Variants in ROR2 observed in about 807,000 individuals in gnomAD.
ROR2 encodes ROR family WNT receptor 2, also known as tyrosine-protein kinase transmembrane receptor ROR2.
ROR2 carries 33 observed loss-of-function variants against 74.9 expected under a neutral mutation model. The observed-to-expected ratio is 0.44, with a 90% CI of 0.33 to 0.59. The LOEUF is 0.59. Among genes scored for constraint, ROR2 ranks in the 20% least tolerant of loss-of-function variants. ROR2 has a pLI of 0.02. For missense variants in ROR2, 1,216 were observed against 1,313.8 expected, an observed-to-expected ratio of 0.93 and a Z score of 1.15; for synonymous variants, 586 against 558.7, an observed-to-expected ratio of 1.05 and a Z score of -0.69.
chr9:91,948,657 A>G (rs1832076063), intron 1 of ROR2: 2 of 985,528 alleles, frequency 2.0e-6, no homozygotes, highest in South Asian at 4.7e-5. Context: ...CGCAGCTCCC[A>G]GCAGGACGCA....
chr9:91,936,712 A>AT (rs1831700068), intron 1 of ROR2, among the ~76,000 whole-genome samples: 1 of 152,168 alleles, frequency 6.6e-6, no homozygotes. Flanking sequence ...CTCTAATCTT[A>AT]TTTCCACCTC....
At chr9:91,726,048 C>G (rs561504156) in intron 8 of ROR2, among the ~76,000 whole-genome samples, 1 of 152,288 alleles carries the variant, frequency 6.6e-6, no homozygotes, top group Admixed American at 6.5e-5. Context: ...ATTTCAGTGC[C>G]CCACCCCCAT....
At chr9:91,842,159 G>A (rs142239130) in intron 1 of ROR2, among the ~76,000 whole-genome samples, 266 of 152,310 alleles carry the variant, frequency 1.7e-3, no homozygotes, top group Middle Eastern at 6.8e-3. Context: ...GAGAGAAAAA[G>A]CATAAAGAGG....
At chr9:91,916,362 C>A (rs1831134903) in intron 1 of ROR2, among the ~76,000 whole-genome samples, 2 of 152,126 alleles carry the variant, frequency 1.3e-5, no homozygotes, top group Admixed American at 6.5e-5. Context: ...TTGGTTAATT[C>A]TTTAATCTCG....
chr9:91,891,132 T>TTC (rs1202447896), intron 1 of ROR2, among the ~76,000 whole-genome samples: 2 of 152,248 alleles, frequency 1.3e-5, no homozygotes, highest in East Asian at 3.8e-4. Context: ...TTAGCAGCTT[T>TTC]TCTAAACACC....
chr9:91,786,435 T>C (rs1826807128), intron 1 of ROR2, among the ~76,000 whole-genome samples: 1 of 152,136 alleles, frequency 6.6e-6, no homozygotes, highest in Admixed American at 6.5e-5. Context: ...ATATCTAGGA[T>C]GAACTTGCTC....
At chr9:91,780,909 T>C (rs564513670) in intron 1 of ROR2, among the ~76,000 whole-genome samples, 92 of 152,386 alleles carry the variant, frequency 6.0e-4, no homozygotes, top group African/African-American at 2.0e-3. Flanking sequence ...TAAGCAAGCA[T>C]TTATTAATGA....
chr9:91,802,966 A>G (rs1827439838), intron 1 of ROR2, among the ~76,000 whole-genome samples: 1 of 152,186 alleles, frequency 6.6e-6, no homozygotes, highest in Non-Finnish European at 1.5e-5. Flanking sequence ...GCCGTTAAGG[A>G]AACGCAAATC....
intron 2 of ROR2, among the ~76,000 whole-genome samples, chr9:91,769,764 C>G (rs1826171049): frequency 1.3e-5 from 2 of 152,206 alleles, no homozygotes; most frequent in African/African-American, 4.8e-5. Flanking sequence ...GCCCCGCCTC[C>G]CTCCAGTACC....
chr9:91,755,745 C>T (rs1825728611), intron 4 of ROR2, among the ~76,000 whole-genome samples: 1 of 152,244 alleles, frequency 6.6e-6, no homozygotes, highest in African/African-American at 2.4e-5. Context: ...CCCTGTTTCC[C>T]AATGTCCTAA....
chr9:91,822,582 G>C (rs1828168770), intron 1 of ROR2, among the ~76,000 whole-genome samples: 1 of 152,156 alleles, frequency 6.6e-6, no homozygotes, highest in Non-Finnish European at 1.5e-5. Flanking sequence ...TTAGAAAATT[G>C]TCATTTTGCA....
chr9:91,834,320 C>T (rs1828553069), intron 1 of ROR2, among the ~76,000 whole-genome samples: 1 of 152,190 alleles, frequency 6.6e-6, no homozygotes, highest in Admixed American at 6.5e-5. Context: ...GACCACGTCC[C>T]CGCGTGCAAA....
chr9:91,841,538 T>C (rs961660427), intron 1 of ROR2, among the ~76,000 whole-genome samples: 4 of 152,258 alleles, frequency 2.6e-5, no homozygotes, highest in Admixed American at 1.3e-4. Flanking sequence ...TTTAAGGTGA[T>C]AATGTTTTAA....
intron 1 of ROR2, among the ~76,000 whole-genome samples, chr9:91,835,895 T>C (rs1230443408): frequency 6.6e-6 from 1 of 152,202 alleles, no homozygotes; most frequent in Non-Finnish European, 1.5e-5. Flanking sequence ...TTCACTTCTA[T>C]AGTAATTGCT....
At chr9:91,830,808 CCGTG>C (rs769454390) in intron 1 of ROR2, among the ~76,000 whole-genome samples, 14 of 88,032 alleles carry the variant, frequency 1.6e-4, no homozygotes, top group Middle Eastern at 6.4e-3. Flanking sequence ...ATAACTGTGT[CCGTG>C]TGTGTGTGTG....
At chr9:91,736,541 CA>C (rs1825030840) in intron 5 of ROR2, among the ~76,000 whole-genome samples, 1 of 152,240 alleles carries the variant, frequency 6.6e-6, no homozygotes, top group Non-Finnish European at 1.5e-5. Flanking sequence ...GGTGCTGGGG[CA>C]CCGGCCATCT....
At chr9:91,798,386 GCT>G in intron 1 of ROR2, among the ~76,000 whole-genome samples, 1 of 119,820 alleles carries the variant, frequency 8.3e-6, no homozygotes, top group African/African-American at 3.5e-5. Context: ...GACACCCTGG[GCT>G]AGTGGGCGGG....
At chr9:91,841,272 G>A (rs528543646) in intron 1 of ROR2, among the ~76,000 whole-genome samples, 12 of 152,180 alleles carry the variant, frequency 7.9e-5, no homozygotes, top group African/African-American at 2.2e-4. Flanking sequence ...ATGAGTCCAC[G>A]GAAAACTCAA....
intron 1 of ROR2, among the ~76,000 whole-genome samples, chr9:91,865,769 C>A (rs1222617120): frequency 6.6e-6 from 1 of 152,144 alleles, no homozygotes; most frequent in Non-Finnish European, 1.5e-5. Context: ...TATTTGGGGG[C>A]CACATCAACC....
Sources: gnomAD v4.1 joint callset for allele counts (sites outside exome capture counted in the v4.1 genomes callset) on GRCh38, gnomAD v4.1.1 for gene constraint, MANE v1.5 for transcripts, NCBI Gene and HGNC (gene_info 2026-07-23, HGNC 2026-07-21) for gene names.